Variants in DPP10 observed in about 807,000 individuals in gnomAD.
DPP10 encodes the protein dipeptidyl peptidase like 10.
A neutral mutation model predicts 120.9 loss-of-function variants in DPP10; 33 were observed. That is an observed-to-expected ratio of 0.27 (90% CI 0.21 to 0.37). The LOEUF (loss-of-function observed/expected upper bound fraction) is 0.37. DPP10 is among the 10% of genes least tolerant of loss of function. The probability of loss-of-function intolerance (pLI) is 1.00; values close to 1 mark genes in which losing one functional copy is unlikely to be tolerated. For missense variants in DPP10, 816 were observed against 942.8 expected, an observed-to-expected ratio of 0.87 and a Z score of 1.76; for synonymous variants, 337 against 326.1, an observed-to-expected ratio of 1.03 and a Z score of -0.36.
At chr2:114,906,681 C>A (rs1032269786) in intron 1 of DPP10, among the ~76,000 whole-genome samples, 2 of 151,936 alleles carry the variant, frequency 1.3e-5, no homozygotes, top group African/African-American at 4.8e-5. Context: ...GCTGTTGAAC[C>A]AACCTTGCAT....
chr2:114,934,634 G>T (rs1472586435), intron 1 of DPP10, among the ~76,000 whole-genome samples: 1 of 151,980 alleles, frequency 6.6e-6, no homozygotes, highest in African/African-American at 2.4e-5. Flanking sequence ...GTGTGTGTGT[G>T]TGTGTATGTG....
intron 1 of DPP10, chr2:115,162,213 G>C: frequency 6.4e-7 from 1 of 1,556,806 alleles, no homozygotes; most frequent in Non-Finnish European, 8.7e-7. Flanking sequence ...CTCTGCGTGC[G>C]CTCCGGGGCC....
At chr2:114,836,239 T>C (rs1687724598) in intron 1 of DPP10, among the ~76,000 whole-genome samples, 3 of 152,170 alleles carry the variant, frequency 2.0e-5, no homozygotes, top group Admixed American at 1.3e-4. Flanking sequence ...GTGACCCATG[T>C]GTATTCTGTT....
intron 1 of DPP10, among the ~76,000 whole-genome samples, chr2:115,207,416 CAAAAAAAA>C (rs57462947): frequency 0.2 from 10,405 of 51,322 alleles, 414 homozygotes; most frequent in East Asian, 0.45. Context: ...CTTACTGCAC[CAAAAAAAA>C]AAAAAAAAAA....
intron 1 of DPP10, chr2:115,144,810 TATA>T (rs1216151351): frequency 6.6e-6 from 1 of 151,828 alleles, no homozygotes; most frequent in East Asian, 2.0e-4. Context: ...AAACTTAAAG[TATA>T]ATAATAAAAA....
chr2:114,637,737 A>G (rs1348457184), intron 1 of DPP10, among the ~76,000 whole-genome samples: 1 of 151,894 alleles, frequency 6.6e-6, no homozygotes, highest in African/African-American at 2.4e-5. Flanking sequence ...TTTATTAAAT[A>G]GGGAGTCCTT....
intron 1 of DPP10, among the ~76,000 whole-genome samples, chr2:115,155,654 A>T (rs1240592789): frequency 2.6e-5 from 4 of 152,214 alleles, no homozygotes; most frequent in Non-Finnish European, 4.4e-5. Flanking sequence ...GCTTGAAATT[A>T]ATTAGTAATA....
chr2:115,187,157 C>A (rs2054519195), intron 1 of DPP10, among the ~76,000 whole-genome samples: 1 of 149,278 alleles, frequency 6.7e-6, no homozygotes, highest in Admixed American at 6.7e-5. Context: ...CTGCCTCAGC[C>A]TCCTGAGTAG....
intron 1 of DPP10, among the ~76,000 whole-genome samples, chr2:114,541,610 A>T (rs949570341): frequency 6.6e-6 from 1 of 152,246 alleles, no homozygotes. Context: ...TTTGTCATTT[A>T]TAATAGAAAA....
intron 3 of DPP10, among the ~76,000 whole-genome samples, chr2:115,380,482 C>G (rs905884469): frequency 5.9e-5 from 9 of 152,286 alleles, no homozygotes; most frequent in East Asian, 1.9e-4. Flanking sequence ...ATACAGCACA[C>G]TGATAGGTCT....
chr2:115,786,610 G>A (rs1003076812), intron 17 of DPP10, among the ~76,000 whole-genome samples: 5 of 152,094 alleles, frequency 3.3e-5, no homozygotes, highest in African/African-American at 1.2e-4. Context: ...CCTGAAAGAA[G>A]GAAACAAGTA....
At chr2:115,828,215 A>AT (rs1462144158) in intron 21 of DPP10, among the ~76,000 whole-genome samples, 2 of 151,310 alleles carry the variant, frequency 1.3e-5, no homozygotes, top group African/African-American at 2.4e-5. Flanking sequence ...TCTGGTTTGC[A>AT]TTTTTTTCAA....
intron 1 of DPP10, among the ~76,000 whole-genome samples, chr2:115,141,859 C>T (rs1373910113): frequency 6.6e-6 from 1 of 152,036 alleles, no homozygotes; most frequent in Non-Finnish European, 1.5e-5. Context: ...CTGCAACATC[C>T]ACCTCCCTGT....
In DPP10 at chr2:114,834,112, C is replaced by CCATATCTACGCACCTATGTATATATAAGA. The variant is rs1687394266; in HGVS notation, c.60+391302_60+391303insACATATCTACGCACCTATGTATATATAAG. 2 of 147,766 alleles carry CCATATCTACGCACCTATGTATATATAAGA rather than the reference C, an allele frequency of 1.4e-5. 1 individual carries two copies. The highest frequency in any genetic ancestry group is 5.0e-5 in the African/African-American group (2 of 39,898). The allele number at this position is 147,766 out of a possible 1,614,324, so 9.2% of individuals were successfully genotyped here. On this transcript the variant is annotated intron_variant, in intron 1 of 25. Transcript: ENST00000410059. ...ATCTACGCACCTATGTATATATAAG[C>CCATATCTACGCACCTATGTATATATAAGA]CATATCTACGCACCTATGTATATAT...
At chr2:114,895,429 T>G (rs1481640157) in intron 1 of DPP10, among the ~76,000 whole-genome samples, 1 of 152,194 alleles carries the variant, frequency 6.6e-6, no homozygotes, top group Non-Finnish European at 1.5e-5. Context: ...ACTTGAGTGT[T>G]GTCCATTGGA....
In DPP10 at chr2:115,842,301, G is replaced by A; in HGVS notation, c.2347G>A (p.Glu783Lys). The A allele has an allele frequency of 6.2e-7, 1 of 1,613,956 alleles. No homozygotes were observed. Reference sequence around the variant, plus strand: ...CAAATTCTTCAGTGATTGTTTGAAGGAAGAAATATCTGTGCTACCACAGGA... The same window carrying A: ...CAAATTCTTCAGTGATTGTTTGAAGAAAGAAATATCTGTGCTACCACAGGA... ...ILKFFSDCLK[E>K]EISVLPQEPE... Residue 783 changes from glutamate (E) to lysine (K), a missense_variant, in exon 26 of 26, where the codon GAA becomes AAA. This residue lies in a region of DPP10 where 592 missense variants were observed against 649.0 expected (regional missense o/e 0.91). Transcript: ENST00000410059.
chr2:115,494,603 A>G (rs1204967727), intron 3 of DPP10, among the ~76,000 whole-genome samples: 1 of 152,192 alleles, frequency 6.6e-6, no homozygotes, highest in Non-Finnish European at 1.5e-5. Flanking sequence ...ATATTTAATT[A>G]AAGAATAAAA....
chr2:114,496,520 A>C (rs930469880), intron 1 of DPP10, among the ~76,000 whole-genome samples: 3 of 152,132 alleles, frequency 2.0e-5, no homozygotes, highest in African/African-American at 7.2e-5. Context: ...TTGTGTCCTC[A>C]TAAGGTAGAA....
chr2:115,118,253 A>C (rs993867889), intron 1 of DPP10, among the ~76,000 whole-genome samples: 1 of 152,136 alleles, frequency 6.6e-6, no homozygotes, highest in Non-Finnish European at 1.5e-5. Flanking sequence ...ATCTGTTACT[A>C]TCACTGTAGT....
Sources: gnomAD v4.1 joint callset for allele counts (sites outside exome capture counted in the v4.1 genomes callset) on GRCh38, gnomAD v4.1.1 for gene constraint, gnomAD v4.1.1 regional missense constraint, MANE v1.5 for transcripts, NCBI Gene and HGNC (gene_info 2026-07-23, HGNC 2026-07-21) for gene names.